Variants in HNRNPL observed in about 807,000 individuals in gnomAD.
HNRNPL encodes the protein epididymis secretory sperm binding protein.
A neutral mutation model predicts 64.0 loss-of-function variants in HNRNPL; 12 were observed. The observed-to-expected ratio is 0.19, with a 90% confidence interval of 0.12 to 0.30. The LOEUF is 0.30. Ranked by LOEUF, HNRNPL falls within the 10% of genes least tolerant of loss-of-function variation. HNRNPL has a pLI of 1.00. For synonymous variants in HNRNPL, 385 were observed against 313.0 expected, an observed-to-expected ratio of 1.23 and a Z score of -2.43; for missense variants, 484 against 797.4, an observed-to-expected ratio of 0.61 and a Z score of 4.73.
intron 4 of HNRNPL, among the ~76,000 whole-genome samples, chr19:38,844,462 G>A (rs552384475): frequency 2.0e-5 from 3 of 152,210 alleles, no homozygotes; most frequent in Admixed American, 2.0e-4. Context: ...GTCCATCAGT[G>A]GCTTTTTCCT....
chr19:38,840,234 G>GGGGGGGCAA lies in HNRNPL; in HGVS notation c.1094_1095insTTGCCCCCC (p.His365_Pro366insCysProPro). On this transcript the variant is annotated inframe_insertion, in exon 8 of 13. Coordinates refer to ENST00000221419, the MANE Select transcript of HNRNPL (RefSeq NM_001533.3). ...CGGGTGGTGGGGGAGGGGGTGGGGGGTGCCCATACTGGGGGCCGTAGCGAC... is the reference window on the plus strand; with the variant it reads ...CGGGTGGTGGGGGAGGGGGTGGGGGGGGGGGGCAATGCCCATACTGGGGGCCGTAGCGAC... 1 of 1,558,248 alleles carries GGGGGGGCAA rather than the reference G, an allele frequency of 6.4e-7. No individual in the cohort carries two copies. The highest frequency in any genetic ancestry group is 1.4e-5 in the African/African-American group (1 of 73,896).
At chr19:38,851,431 T>TG (rs762612520), upstream of HNRNPL, among the ~76,000 whole-genome samples, 1 of 151,446 alleles carries the variant, frequency 6.6e-6, no homozygotes, top group Non-Finnish European at 1.5e-5. Flanking sequence ...GCGCAGGGTG[T>TG]GGGGGGGAAC....
In HNRNPL at chr19:38,846,040, T is replaced by A; in HGVS notation, c.437A>T (p.Asp146Val). 1 of 1,614,160 alleles carries A rather than the reference T, an allele frequency of 6.2e-7. No homozygotes were observed. Among genetic ancestry groups the A allele is most frequent in the Non-Finnish European group, 8.5e-7 (1 of 1,180,016 alleles). ...CACTGCGTTGCAAGCCCCCAACACA[T>A]CTTCAAACTCCACCAGTGCTTGTCT... Reference protein sequence around the residue: ...KKRQALVEFEDVLGACNAVNY... With the variant: ...KKRQALVEFEVVLGACNAVNY... The change falls in exon 3 of 13, where the codon GAT (aspartate) becomes GTT (valine). Residue 146 changes from aspartate (D) to valine (V), a missense_variant. Around this residue, in one of 9 missense-constraint regions of HNRNPL, gnomAD observed 23 missense variants for 70.8 expected, o/e 0.32. Coordinates refer to ENST00000221419, the MANE Select transcript of HNRNPL (RefSeq NM_001533.3).
rs1248038106 is a variant in HNRNPL at position 38,837,482 on chromosome 19, G to A, written c.1616-3C>T. Reference sequence around the variant, plus strand: ...CAGTCCAGAGGAGCTGCGCTCACCTGATTGCAAACCAAGGGGAAAAGTAAA... The same window carrying A: ...CAGTCCAGAGGAGCTGCGCTCACCTAATTGCAAACCAAGGGGAAAAGTAAA... On this transcript the variant is annotated splice_region_variant and splice_polypyrimidine_tract_variant and intron_variant, in intron 11 of 12. Coordinates refer to ENST00000221419, the MANE Select transcript of HNRNPL (RefSeq NM_001533.3). 6.2e-7 allele frequency: 1 copy of A among 1,613,986 alleles called. No homozygotes were observed. The highest frequency in any genetic ancestry group is 8.5e-7 in the Non-Finnish European group (1 of 1,179,920).
intron 1 of HNRNPL, among the ~76,000 whole-genome samples, chr19:38,847,857 G>C (rs1192803789): frequency 6.6e-6 from 1 of 152,136 alleles, no homozygotes; most frequent in Non-Finnish European, 1.5e-5. Context: ...CATCCCCTTT[G>C]CATGTGCCCC....
rs1277355749 is a variant in HNRNPL, at chr19:38,837,711, C to G, written c.1558-60G>C. The G allele has an allele frequency of 9.2e-5, 135 of 1,460,550 alleles. 1 individual carries two copies. The highest frequency in any genetic ancestry group is 1.3e-4 in the Non-Finnish European group (132 of 1,046,250). 90.5% of individuals were successfully genotyped at this position (1,460,550 alleles called of 1,614,324 possible). A position where few individuals can be genotyped will look rare whatever the true frequency, so the allele number is the denominator to read the frequency against. On this transcript the variant is annotated intron_variant, in intron 10 of 12. Coordinates refer to ENST00000221419, the MANE Select transcript of HNRNPL (RefSeq NM_001533.3). ...AACAAAAGGGCCGCCACACAGGATT[C>G]AAGCAGACCAGGCCCTGCATGACTC...
chr19:38,849,554 C>T, intron 1 of HNRNPL, 146 bp downstream of exon 1: 1 of 1,142,916 alleles, frequency 8.7e-7, no homozygotes, highest in Non-Finnish European at 1.1e-6. Flanking sequence ...CGCCGTTTGC[C>T]CAACGGCCGC....
chr19:38,843,516 TCAC>T (rs1477503827), intron 6 of HNRNPL: 2 of 357,040 alleles, frequency 5.6e-6, no homozygotes, highest in Non-Finnish European at 1.0e-5. Flanking sequence ...TGAGTGACCC[TCAC>T]CAGACTCTCA....
chr19:38,839,180 A>C, intron 8 of HNRNPL, 165 bp from the exon 9 acceptor site: 1 of 770,528 alleles, frequency 1.3e-6, no homozygotes, highest in African/African-American at 1.7e-5. Flanking sequence ...TGCTCAACCC[A>C]TAGTGAGAAG....
chr19:38,844,566 A>T (rs1348718519), intron 4 of HNRNPL, among the ~76,000 whole-genome samples: 1 of 151,998 alleles, frequency 6.6e-6, no homozygotes, highest in Admixed American at 6.6e-5. Context: ...GCCACTTTGC[A>T]ATCCTCAGGT....
In HNRNPL at chr19:38,849,706, G is replaced by A. The variant is rs1434932122; in HGVS notation, c.261C>T (p.Gly87=). The change falls in exon 1 of 13, where the codon GGC becomes GGT. Residue 87 remains glycine (G), a synonymous_variant. Transcript: ENST00000221419. ...CCTAGGGCCCTGGCCTCACCCCACC[G>A]CCGCCGCCGCCCGCCGCCCCGGCTC... ...GGGAGAAGGG[G]GGENYDDPHK... The A allele has an allele frequency of 3.7e-6, 5 of 1,344,084 alleles. No homozygotes were observed. The highest frequency in any genetic ancestry group is 1.9e-5 in the South Asian group (1 of 52,446). 83.3% of individuals were successfully genotyped at this position (1,344,084 alleles called of 1,614,324 possible).
chr19:38,838,573 G>C lies in HNRNPL; in HGVS notation c.1381C>G (p.Pro461Ala). ...VCVSKQPAIM[P>A]GQSYGLEDGS... The stretch of plus-strand genomic sequence containing the variant: ...TCTTCCAACCCGTATGACTGACCAG[G>C]CATGATGGCTGGCTGCTTGGAGACA... The change falls in exon 10 of 13, where the codon CCT becomes GCT. Residue 461 changes from proline (P) to alanine (A), a missense_variant. Around this residue, in one of 9 missense-constraint regions of HNRNPL, gnomAD observed 53 missense variants for 131.3 expected, o/e 0.40. Transcript: ENST00000221419. The C allele has an allele frequency of 3.7e-6, 6 of 1,614,064 alleles. No homozygotes were observed. The highest frequency in any genetic ancestry group is 5.1e-6 in the Non-Finnish European group (6 of 1,179,934).
At chr19:38,837,014 G>C (rs1971951173) in intron 12 of HNRNPL, 1 of 549,552 alleles carries the variant, frequency 1.8e-6, no homozygotes, top group Non-Finnish European at 3.2e-6. Flanking sequence ...GCCAGCCCAA[G>C]GCAATGGGCC....
chr19:38,842,682 A>G (rs1404747097), intron 6 of HNRNPL, among the ~76,000 whole-genome samples: 1 of 151,604 alleles, frequency 6.6e-6, no homozygotes, highest in Non-Finnish European at 1.5e-5. Flanking sequence ...CCGCTGAAGT[A>G]TGGTTCCTGA....
chr19:38,851,276 G>A (rs1568378144), upstream of HNRNPL: 1 of 152,298 alleles, frequency 6.6e-6, no homozygotes, highest in South Asian at 2.1e-4. Flanking sequence ...ATGTCGGAGG[G>A]TATCTCCAGA....
chr19:38,849,800 C>T lies in HNRNPL; in HGVS notation c.167G>A (p.Arg56Gln). The T allele has an allele frequency of 7.3e-7, 1 of 1,364,986 alleles. No homozygotes were observed. Among genetic ancestry groups the T allele is most frequent in the Admixed American group, 2.1e-5 (1 of 46,598 alleles). 84.6% of individuals were successfully genotyped at this position (1,364,986 alleles called of 1,614,324 possible). A position where few individuals can be genotyped will look rare whatever the true frequency, so the allele number is the denominator to read the frequency against. ...RYYGGGSEGG[R>Q]APKRLKTDNA... is the part of the protein sequence containing the mutation. ...GTCAGTCTTGAGCCGCTTAGGGGCC[C>T]GGCCGCCCTCACTGCCGCCGCCGTA... is the stretch of plus-strand genomic sequence containing the variant. The change falls in exon 1 of 13, where the codon CGG (arginine) becomes CAG (glutamine). Residue 56 changes from arginine to glutamine, a missense_variant. Around this residue, in one of 9 missense-constraint regions of HNRNPL, gnomAD observed 190 missense variants for 160.1 expected, o/e 1.19. Coordinates refer to ENST00000221419, the MANE Select transcript of HNRNPL (RefSeq NM_001533.3).
chr19:38,836,624 A>AG lies in HNRNPL; in HGVS notation c.*97dup. ...AAAAAAAAAAAAAAAAAAAAAAAAA[A>AG]GGAATACAAGATCTTTTGCAAATAA... On this transcript the variant is annotated 3_prime_UTR_variant, in exon 13 of 13. Coordinates refer to ENST00000221419, the MANE Select transcript of HNRNPL (RefSeq NM_001533.3). The AG allele has an allele frequency of 2.3e-6, 1 of 435,728 alleles. No homozygotes were observed. The allele number at this position is 435,728 out of a possible 1,614,324, so 27.0% of individuals were successfully genotyped here.
At chr19:38,852,329 A>T (rs1389957221), upstream of HNRNPL, 1 of 151,914 alleles carries the variant, frequency 6.6e-6, no homozygotes, top group Non-Finnish European at 1.5e-5. Flanking sequence ...GCCGTCCCGG[A>T]TCGAAAAGAG....
intron 12 of HNRNPL, chr19:38,837,059 T>TG (rs1456108496): frequency 1.7e-5 from 9 of 542,784 alleles, no homozygotes; most frequent in Non-Finnish European, 2.0e-5. Flanking sequence ...TTTTACCTGC[T>TG]GGATAGTGTT....
Sources: gnomAD v4.1 joint callset for allele counts (sites outside exome capture counted in the v4.1 genomes callset) on GRCh38, gnomAD v4.1.1 for gene constraint, gnomAD v4.1.1 regional missense constraint, MANE v1.5 for transcripts, NCBI Gene and HGNC (gene_info 2026-07-23, HGNC 2026-07-21) for gene names.